SLC16A13: variants seen among roughly 807,000 people sequenced by gnomAD.
SLC16A13 encodes the protein solute carrier family 16 member 13.
SLC16A13 carries 28 observed loss-of-function variants against 28.1 expected under a neutral mutation model. The observed-to-expected ratio is 1.00, with a 90% CI of 0.74 to 1.37. SLC16A13 has a LOEUF of 1.37. Among genes scored for constraint, SLC16A13 ranks in the 40% most tolerant of loss-of-function variants. The pLI, the probability that SLC16A13 is intolerant of heterozygous loss-of-function variation, is 0.00. For synonymous variants in SLC16A13, 228 were observed against 241.6 expected (o/e 0.94, Z 0.52); for missense variants, 482 against 531.8 (o/e 0.91, Z 0.92).
Position 7,036,758 on chromosome 17 carries a change from C to G in SLC16A13, c.231C>G (p.Phe77Leu). ...TAGGCAGTGCCCTGAGCACGAAGTTCGGGCCCAGGCCCGTGGTGATGACTG... is the reference window on the plus strand; with the variant it reads ...TAGGCAGTGCCCTGAGCACGAAGTTGGGGCCCAGGCCCGTGGTGATGACTG... The part of the protein sequence containing the change: ...SPVGSALSTK[F>L]GPRPVVMTGG... The change falls in exon 2 of 4, where the codon TTC becomes TTG. Residue 77 changes from phenylalanine (F) to leucine (L), a missense_variant. Coordinates refer to ENST00000308027, the MANE Select transcript of SLC16A13 (RefSeq NM_201566.3). 6.2e-7 allele frequency: 1 copy of G among 1,613,484 alleles called. No individual in the cohort carries two copies. Among genetic ancestry groups the G allele is most frequent in the Admixed American group, 1.7e-5 (1 of 60,028 alleles).
intron 2 of SLC16A13, among the ~76,000 whole-genome samples, chr17:7,037,452 C>T (rs1302237504): frequency 6.7e-6 from 1 of 149,870 alleles, no homozygotes; most frequent in Non-Finnish European, 1.5e-5. Flanking sequence ...AGGGGCCAGG[C>T]ACGGTGGCTC....
At position 7,038,876 on chromosome 17, in the gene SLC16A13, G is replaced by A. The variant is rs200424880; in HGVS notation, c.1068G>A (p.Gly356=). Residue 356 remains glycine, a synonymous_variant, in exon 3 of 4, where the codon GGG becomes GGA. Transcript: ENST00000308027. The surrounding 1 kb of genome is among the most constrained non-coding windows in gnomAD (Gnocchi z 5.7). The part of the protein sequence containing the change: ...QMIESIGGLL[G]PPLSGYLRDV... ...TAGAGAGCATCGGGGGGCTGCTGGGGCCTCCTCTCTCAGGTAAGTGGAATG... is the reference window on the plus strand; with the variant it reads ...TAGAGAGCATCGGGGGGCTGCTGGGACCTCCTCTCTCAGGTAAGTGGAATG... 8.7e-6 allele frequency: 14 copies of A among 1,607,750 alleles called. No homozygotes were observed. In the African/African-American group the frequency reaches 1.6e-4, roughly 18 times the overall value.
chr17:7,038,245 C>T lies in SLC16A13; in HGVS notation c.437C>T (p.Thr146Ile), dbSNP rs372061140. Residue 146 changes from threonine (T) to isoleucine (I), a missense_variant, in exon 3 of 4, where the codon ACA (threonine) becomes ATA (isoleucine). Thr to Ile is a moderately conservative substitution (Grantham distance 89, BLOSUM62 -1). Transcript: ENST00000308027. This position sits in a 1 kb window ranked among gnomAD's most constrained non-coding sequence, Gnocchi z 5.7. ...RRSLATGLALTGVGLSSFTFA... is the reference protein window; with the variant it reads ...RRSLATGLALIGVGLSSFTFA... ...TCCCTGGCCACCGGGCTGGCACTGA[C>T]AGGCGTGGGCCTCTCCTCCTTCACA... 8.1e-6 allele frequency: 13 copies of T among 1,614,068 alleles called. No individual in the cohort carries two copies. The highest frequency in any genetic ancestry group is 1.0e-5 in the Non-Finnish European group (12 of 1,180,050).
At position 7,036,574 on chromosome 17, in the gene SLC16A13, G is replaced by C; in HGVS notation, c.192G>C (p.Gln64His). The C allele has an allele frequency of 6.2e-7, 1 of 1,612,388 alleles. No homozygotes were observed. The highest frequency in any genetic ancestry group is 2.2e-5 in the East Asian group (1 of 44,888). ...CCTCCATAGGAATCGCGGTGCAGCA[G>C]TTTGGGAGTGAGTGCGGCGCCTGGA... ...WIASIGIAVQ[Q>H]FGSPVGSALS... is the part of the protein sequence containing the mutation. Residue 64 changes from glutamine (Q) to histidine (H), a missense_variant, in exon 1 of 4, where the codon CAG (glutamine) becomes CAC (histidine). Transcript: ENST00000308027.
chr17:7,036,281 G>C lies in SLC16A13; in HGVS notation c.-102G>C. The C allele has an allele frequency of 7.9e-7, 1 of 1,267,968 alleles. No individual in the cohort carries two copies. Among genetic ancestry groups the C allele is most frequent in the Non-Finnish European group, 1.1e-6 (1 of 916,292 alleles). The allele number at this position is 1,267,968 out of a possible 1,614,324, so 78.5% of individuals were successfully genotyped here. ...CTACCTGCCTCTCCAACCCCTCTCG[G>C]CCCCGAGCCACCCGGCAGCGGGGGT... On this transcript the variant is annotated 5_prime_UTR_variant, in exon 1 of 4. Transcript: ENST00000308027.
rs1910578145 is a variant in SLC16A13, at chr17:7,036,349, G to A, written c.-34G>A. 1 of 1,581,654 alleles carries A rather than the reference G, an allele frequency of 6.3e-7. No individual in the cohort carries two copies. The highest frequency in any genetic ancestry group is 8.6e-7 in the Non-Finnish European group (1 of 1,164,804). ...GCGTCCAGAACCCGGCTCCTGCAGA[G>A]GCTCTGGGTGGCAGCAGCCCTGTTA... is the stretch of plus-strand genomic sequence containing the variant. On this transcript the variant is annotated 5_prime_UTR_variant, in exon 1 of 4. Coordinates refer to ENST00000308027, the MANE Select transcript of SLC16A13 (RefSeq NM_201566.3).
In SLC16A13 at chr17:7,038,681, T is replaced by C. The variant is rs1489654523; in HGVS notation, c.873T>C (p.Thr291=). Residue 291 remains threonine, a synonymous_variant, in exon 3 of 4, where the codon ACT becomes ACC. Coordinates refer to ENST00000308027, the MANE Select transcript of SLC16A13 (RefSeq NM_201566.3). The surrounding 1 kb of genome is among the most constrained non-coding windows in gnomAD (Gnocchi z 5.7). ...TCCTGATGCTCTGGACCACCTTGAC[T>C]GGGGTGTCACTAGCCCTGTTCCCTG... ...TRLLMLWTTL[T]GVSLALFPVA... 6.2e-7 allele frequency: 1 copy of C among 1,614,184 alleles called. No individual in the cohort carries two copies. Among genetic ancestry groups the C allele is most frequent in the Non-Finnish European group, 8.5e-7 (1 of 1,180,036 alleles).
In SLC16A13 at chr17:7,037,623, G is replaced by A. The variant is rs559667633; in HGVS notation, c.344-529G>A. 3.3e-5 allele frequency among the ~76,000 whole-genome samples: 5 copies of A among 152,082 alleles called. No homozygotes were observed. In the East Asian group the frequency reaches 7.8e-4, roughly 24 times the overall value. ...TGACTGTAGTCCCAGCTACTCGGGA[G>A]GCTGAGGCAGGAGAATGGTGTGAAC... On this transcript the variant is annotated intron_variant, in intron 2 of 3. Transcript: ENST00000308027.
Position 7,040,004 on chromosome 17 carries a change from C to A in SLC16A13, c.*42C>A. 6.4e-7 allele frequency: 1 copy of A among 1,571,018 alleles called. No individual in the cohort carries two copies. Among genetic ancestry groups the A allele is most frequent in the South Asian group, 1.1e-5 (1 of 90,074 alleles). ...CCCAGAAAGCCAAAGCTTGACAGCT[C>A]CAGGTCTTCTCTTGCCACGTCTTGG... On this transcript the variant is annotated 3_prime_UTR_variant, in exon 4 of 4. Coordinates refer to ENST00000308027, the MANE Select transcript of SLC16A13 (RefSeq NM_201566.3).
In SLC16A13 at chr17:7,038,757, A is replaced by T. The variant is rs991343796; in HGVS notation, c.949A>T (p.Thr317Ser). 1 of 1,613,868 alleles carries T rather than the reference A, an allele frequency of 6.2e-7. No individual in the cohort carries two copies. The highest frequency in any genetic ancestry group is 1.3e-5 in the African/African-American group (1 of 74,906). ...LVALAVAYGFTSGALAPLAFS... is the reference protein window; with the variant it reads ...LVALAVAYGFSSGALAPLAFS... The stretch of plus-strand genomic sequence containing the variant: ...GGCTCTGGCTGTGGCCTACGGCTTC[A>T]CATCAGGGGCTCTGGCCCCACTGGC... The change falls in exon 3 of 4, where the codon ACA (threonine) becomes TCA (serine). Residue 317 changes from threonine (T) to serine (S), a missense_variant. Thr to Ser is a moderately conservative substitution (Grantham distance 58). Coordinates refer to ENST00000308027, the MANE Select transcript of SLC16A13 (RefSeq NM_201566.3). This position sits in a 1 kb window ranked among gnomAD's most constrained non-coding sequence, Gnocchi z 5.7.
At chr17:7,036,688 C>A (rs1315355581) in intron 1 of SLC16A13, 39 bp from the exon 2 acceptor site, 1 of 1,608,308 alleles carries the variant, frequency 6.2e-7, no homozygotes, top group Admixed American at 1.7e-5. Flanking sequence ...GGGGGGAGAC[C>A]CCTGAGATCT....
Position 7,038,010 on chromosome 17 carries a change from A to T in SLC16A13, c.344-142A>T. On this transcript the variant is annotated intron_variant, in intron 2 of 3. Transcript: ENST00000308027. This position sits in a 1 kb window ranked among gnomAD's most constrained non-coding sequence, Gnocchi z 5.7. ...GTAAAACACACAAGGTTACACAGCT[A>T]TGAAGTATCCAAGCCAAGATTGTAT... 1 of 981,412 alleles carries T rather than the reference A, an allele frequency of 1.0e-6. No individual in the cohort carries two copies. The highest frequency in any genetic ancestry group is 2.4e-5 in the East Asian group (1 of 41,566). The allele number at this position is 981,412 out of a possible 1,614,324, so 60.8% of individuals were successfully genotyped here. A position where few individuals can be genotyped will look rare whatever the true frequency, so the allele number is the denominator to read the frequency against.
At position 7,036,246 on chromosome 17, in the gene SLC16A13, C is replaced by T. The variant is rs1649726211; in HGVS notation, c.-137C>T. 1.2e-6 allele frequency: 1 copy of T among 826,856 alleles called. No homozygotes were observed. Among genetic ancestry groups the T allele is most frequent in the Non-Finnish European group, 1.9e-6 (1 of 532,286 alleles). The allele number at this position is 826,856 out of a possible 1,614,324, so 51.2% of individuals were successfully genotyped here. On this transcript the variant is annotated 5_prime_UTR_variant, in exon 1 of 4. Coordinates refer to ENST00000308027, the MANE Select transcript of SLC16A13 (RefSeq NM_201566.3). Reference sequence around the variant, plus strand: ...AGGGGCCTCTCGCCGCCTCGTCGGGCCCTTCCTCTCTACCTGCCTCTCCAA... The same window carrying T: ...AGGGGCCTCTCGCCGCCTCGTCGGGTCCTTCCTCTCTACCTGCCTCTCCAA...
In SLC16A13 at chr17:7,036,363, G is replaced by A. The variant is rs1270210186; in HGVS notation, c.-20G>A. 3 of 1,595,758 alleles carry A rather than the reference G, an allele frequency of 1.9e-6. No homozygotes were observed. The highest frequency in any genetic ancestry group is 1.7e-6 in the Non-Finnish European group (2 of 1,171,124). On this transcript the variant is annotated 5_prime_UTR_variant, in exon 1 of 4. Transcript: ENST00000308027. ...GCTCCTGCAGAGGCTCTGGGTGGCA[G>A]CAGCCCTGTTACCGCTTAGATGGCG...
rs1428467589 is a variant in SLC16A13, at chr17:7,036,261, T to C, written c.-122T>C. 3 of 985,960 alleles carry C rather than the reference T, an allele frequency of 3.0e-6. No homozygotes were observed. Among genetic ancestry groups the C allele is most frequent in the Non-Finnish European group, 4.5e-6 (3 of 668,956 alleles). The allele number at this position is 985,960 out of a possible 1,614,324, so 61.1% of individuals were successfully genotyped here. Reference sequence around the variant, plus strand: ...CCTCGTCGGGCCCTTCCTCTCTACCTGCCTCTCCAACCCCTCTCGGCCCCG... The same window carrying C: ...CCTCGTCGGGCCCTTCCTCTCTACCCGCCTCTCCAACCCCTCTCGGCCCCG... On this transcript the variant is annotated 5_prime_UTR_variant, in exon 1 of 4. Coordinates refer to ENST00000308027, the MANE Select transcript of SLC16A13 (RefSeq NM_201566.3).
chr17:7,039,490 G>T lies in SLC16A13; in HGVS notation c.1082-273G>T, dbSNP rs1296250348. Among the ~76,000 whole-genome samples, 2 of 151,692 alleles carry T rather than the reference G, an allele frequency of 1.3e-5. No homozygotes were observed. Among genetic ancestry groups the T allele is most frequent in the Non-Finnish European group, 2.9e-5 (2 of 67,952 alleles). On this transcript the variant is annotated intron_variant, in intron 3 of 3. Coordinates refer to ENST00000308027, the MANE Select transcript of SLC16A13 (RefSeq NM_201566.3). This position sits in a 1 kb window ranked among gnomAD's most constrained non-coding sequence, Gnocchi z 4.3. ...AAAAAAAAAAAGAAAGGCCACAGTT[G>T]CCAGAAAGAAAGGCACAAGTATGCC...
At position 7,039,325 on chromosome 17, in the gene SLC16A13, TG is replaced by T. The variant is rs1414624266; in HGVS notation, c.1082-436del. On this transcript the variant is annotated intron_variant, in intron 3 of 3. Coordinates refer to ENST00000308027, the MANE Select transcript of SLC16A13 (RefSeq NM_201566.3). This position sits in a 1 kb window ranked among gnomAD's most constrained non-coding sequence, Gnocchi z 4.3. ...ACTGAAGCTTTAGAAAGGCCACAGT[TG>T]GTGGGCGCCTGTAGTCCCAGCTACT... 3.3e-5 allele frequency among the ~76,000 whole-genome samples: 5 copies of T among 151,970 alleles called. No individual in the cohort carries two copies. Among genetic ancestry groups the T allele is most frequent in the African/African-American group, 1.2e-4 (5 of 41,350 alleles).
rs774867501 is a variant in SLC16A13, at chr17:7,036,777, A to G, written c.250A>G (p.Met84Val). 4.3e-6 allele frequency: 7 copies of G among 1,613,678 alleles called. No homozygotes were observed. The East Asian group carries it at 1.3e-4, about 31-fold the overall frequency. ...GAAGTTCGGGCCCAGGCCCGTGGTGATGACTGGAGGCATCTTGGCTGCGCT... is the reference window on the plus strand; with the variant it reads ...GAAGTTCGGGCCCAGGCCCGTGGTGGTGACTGGAGGCATCTTGGCTGCGCT... ...STKFGPRPVV[M>V]TGGILAALGM... The change falls in exon 2 of 4, where the codon ATG becomes GTG. Residue 84 changes from methionine (M) to valine (V), a missense_variant. Coordinates refer to ENST00000308027, the MANE Select transcript of SLC16A13 (RefSeq NM_201566.3).
At position 7,039,473 on chromosome 17, in the gene SLC16A13, A is replaced by AT. The variant is rs1910667177; in HGVS notation, c.1082-290_1082-289insT. ...AGACTCCGTCTCAAAAAAAAAAAAA[A>AT]AAGAAAGGCCACAGTTGCCAGAAAG... On this transcript the variant is annotated intron_variant, in intron 3 of 3. Transcript: ENST00000308027. The surrounding 1 kb of genome is among the most constrained non-coding windows in gnomAD (Gnocchi z 4.3). Among the ~76,000 whole-genome samples the AT allele has an allele frequency of 6.6e-6, 1 of 152,058 alleles. No individual in the cohort carries two copies. The highest frequency in any genetic ancestry group is 6.5e-5 in the Admixed American group (1 of 15,276).
Sources: gnomAD v4.1 joint callset for allele counts (sites outside exome capture counted in the v4.1 genomes callset) on GRCh38, gnomAD v4.1.1 for gene constraint, Gnocchi (gnomAD v3.1) non-coding constraint, MANE v1.5 for transcripts, NCBI Gene and HGNC (gene_info 2026-07-23, HGNC 2026-07-21) for gene names.